DHX8: variants seen among roughly 807,000 people sequenced by gnomAD.
The protein encoded by DHX8 is ATP-dependent RNA helicase DHX8.
Under a neutral mutation model 140.7 loss-of-function variants are expected in DHX8, and 67 were observed. The ratio of observed to expected loss-of-function variants is 0.48; its 90% CI spans 0.39 to 0.58. The LOEUF is 0.58. Among genes scored for constraint, DHX8 ranks in the 20% least tolerant of loss-of-function variants. DHX8 has a pLI of 0.00. For missense variants in DHX8, 887 were observed against 1,550.7 expected, an observed-to-expected ratio of 0.57 and a Z score of 7.19; for synonymous variants, 533 against 553.2, an observed-to-expected ratio of 0.96 and a Z score of 0.51.
At chr17:43,523,519 G>A in intron 22 of DHX8, 109 bp from the exon 23 acceptor site, 4 of 1,516,934 alleles carry the variant, frequency 2.6e-6, no homozygotes, top group Non-Finnish European at 3.5e-6. Context: ...TCAGGCAGGA[G>A]AGGTAATAGT....
chr17:43,536,221 G>T (rs183543908), intron 2 of DHX8: 51 of 609,482 alleles, frequency 8.4e-5, no homozygotes, highest in Non-Finnish European at 1.4e-4. Flanking sequence ...GAGGGATAGT[G>T]TCTGCTCTAA....
In DHX8 at chr17:43,493,131, T is replaced by G. The variant is rs1968636794; in HGVS notation, c.863+91T>G. ...TCACATTCTAAAAAGTTACTTTGAT[T>G]AATGACACTTTAGTCAAATCAGCCA... On this transcript the variant is annotated intron_variant, in intron 6 of 22. Transcript: ENST00000262415. 2.3e-5 allele frequency: 35 copies of G among 1,503,442 alleles called. 1 individual carries two copies. In the South Asian group the frequency reaches 4.4e-4, roughly 19 times the overall value. 93.1% of individuals were successfully genotyped at this position (1,503,442 alleles called of 1,614,324 possible).
Position 43,520,194 on chromosome 17 carries a change from T to A in DHX8, c.2864T>A (p.Ile955Asn). The A allele has an allele frequency of 6.2e-7, 1 of 1,614,130 alleles. No homozygotes were observed. The highest frequency in any genetic ancestry group is 8.5e-7 in the Non-Finnish European group (1 of 1,180,020). Reference protein sequence around the residue: ...FMDAPPMETLITAMEQLYTLG... With the variant: ...FMDAPPMETLNTAMEQLYTLG... ...GATGCCCCACCTATGGAAACTTTGA[T>A]CACAGCCATGGAGCAGCTGTACACA... The change falls in exon 19 of 23, where the codon ATC (isoleucine) becomes AAC (asparagine). Residue 955 changes from isoleucine to asparagine, a missense_variant. Transcript: ENST00000262415.
intron 1 of DHX8, among the ~76,000 whole-genome samples, chr17:43,484,886 T>C (rs566584264): frequency 6.6e-6 from 1 of 152,196 alleles, no homozygotes; most frequent in Non-Finnish European, 1.5e-5. Flanking sequence ...CAAGCAGTCC[T>C]CTTCCCTCGG....
intron 20 of DHX8, 25 bp from the exon 21 acceptor site, chr17:43,521,344 G>A (rs1356130203): frequency 6.3e-7 from 1 of 1,589,508 alleles, no homozygotes; most frequent in Admixed American, 1.8e-5. Flanking sequence ...AGTCGGAAAT[G>A]TTCCTCTGTC....
chr17:43,496,090 C>A, intron 8 of DHX8, 91 bp from the exon 9 acceptor site: 6 of 931,448 alleles, frequency 6.4e-6, no homozygotes, highest in Non-Finnish European at 1.0e-5. Flanking sequence ...AGAGCAAGAT[C>A]CTGTCTCAAA....
Position 43,524,351 on chromosome 17 carries a change from G to A in DHX8, c.*504G>A, listed in dbSNP as rs111856955. On this transcript the variant is annotated 3_prime_UTR_variant, in exon 23 of 23. Transcript: ENST00000262415. ...TTTCTGTGACTGTTTTCTTTTAGCC[G>A]AAAGGTTAGGATATTGGCCTGGGCT... is the stretch of plus-strand genomic sequence containing the variant. 1.5e-4 allele frequency: 155 copies of A among 1,005,290 alleles called. 2 individuals carry two copies. Among genetic ancestry groups the A allele is most frequent in the African/African-American group, 1.4e-3 (81 of 57,618 alleles). 62.3% of individuals were successfully genotyped at this position (1,005,290 alleles called of 1,614,324 possible). A position where few individuals can be genotyped will look rare whatever the true frequency, so the allele number is the denominator to read the frequency against.
chr17:43,493,991 T>C, intron 8 of DHX8, 105 bp downstream of exon 8: 1 of 1,133,132 alleles, frequency 8.8e-7, no homozygotes, highest in Non-Finnish European at 1.3e-6. Context: ...TTGGCCACTG[T>C]ATTAGTCTGT....
At chr17:43,498,322 T>G (rs1443678327) in intron 9 of DHX8, among the ~76,000 whole-genome samples, 2 of 151,918 alleles carry the variant, frequency 1.3e-5, no homozygotes, top group African/African-American at 4.8e-5. Flanking sequence ...TTTTTTTGTA[T>G]TTTTAGTAAA....
At chr17:43,495,433 C>T (rs558031427) in intron 8 of DHX8, among the ~76,000 whole-genome samples, 14 of 152,244 alleles carry the variant, frequency 9.2e-5, no homozygotes, top group African/African-American at 3.4e-4. Context: ...CACATGCCAC[C>T]ATGCCTGGCT....
At chr17:43,486,182 A>G (rs989737250) in intron 1 of DHX8, among the ~76,000 whole-genome samples, 5 of 151,068 alleles carry the variant, frequency 3.3e-5, no homozygotes, top group African/African-American at 1.2e-4. Context: ...AAAGAGCAAG[A>G]CTTTATTTCA....
chr17:43,505,547 C>T (rs1370079611), intron 12 of DHX8, among the ~76,000 whole-genome samples: 1 of 151,996 alleles, frequency 6.6e-6, no homozygotes, highest in Non-Finnish European at 1.5e-5. Flanking sequence ...CCAGCCTGGG[C>T]GACCAAGTGA....
intron 11 of DHX8, among the ~76,000 whole-genome samples, chr17:43,500,979 G>A (rs1266496583): frequency 2.0e-5 from 3 of 151,922 alleles, no homozygotes; most frequent in East Asian, 1.9e-4. Context: ...TCTTTGTGCA[G>A]TAAATATTAG....
Position 43,489,508 on chromosome 17 carries a change from C to G in DHX8, c.208C>G (p.Leu70Val), listed in dbSNP as rs746334437. ...CACCTTTGATACTTTTAAGGCTTCT[C>G]TCGTCAAAAATGGTGCAGAATTTAC... ...NTTFDTFKAS[L>V]VKNGAEFTDS... is the part of the protein sequence containing the mutation. Residue 70 changes from leucine to valine, a missense_variant, in exon 2 of 23, where the codon CTC becomes GTC. By Grantham distance (32) the Leu-to-Val change is conservative. Transcript: ENST00000262415. 10 of 1,609,166 alleles carry G rather than the reference C, an allele frequency of 6.2e-6. No individual in the cohort carries two copies. Among genetic ancestry groups the G allele is most frequent in the Non-Finnish European group, 6.8e-6 (8 of 1,178,436 alleles).
intron 2 of DHX8, chr17:43,533,988 G>A: frequency 6.6e-7 from 1 of 1,526,264 alleles, no homozygotes; most frequent in Non-Finnish European, 8.7e-7. Flanking sequence ...GAAAGCTACT[G>A]TGGGGGTGGA....
rs1970161878 is a variant in DHX8 at position 43,517,304 on chromosome 17, C to T, written c.2781C>T (p.Ser927=). ...VPEIQRTNLA[S]TVLSLKAMGI... is the part of the protein sequence containing the mutation. ...AAATCCAGAGAACCAACTTAGCAAG[C>T]ACAGTGCTGTCACTCAAGGTAGAAA... is the stretch of plus-strand genomic sequence containing the variant. The change falls in exon 18 of 23, where the codon AGC becomes AGT. Residue 927 remains serine (S), a synonymous_variant. Coordinates refer to ENST00000262415, the MANE Select transcript of DHX8 (RefSeq NM_004941.3). The T allele has an allele frequency of 2.5e-6, 4 of 1,613,870 alleles. No individual in the cohort carries two copies. The highest frequency in any genetic ancestry group is 2.5e-6 in the Non-Finnish European group (3 of 1,179,918).
chr17:43,493,716 C>T lies in DHX8; in HGVS notation c.1042C>T (p.Pro348Ser). The change falls in exon 8 of 23, where the codon CCA becomes TCA. Residue 348 changes from proline to serine, a missense_variant. By Grantham distance (74) the Pro-to-Ser change is moderately conservative. Transcript: ENST00000262415. ...TCAAGAGACTGGAGAAGATCTAAAC[C>T]CAAATAGACGGCGAAATCTTGTCGG... is the stretch of plus-strand genomic sequence containing the variant. The part of the protein sequence containing the change: ...VDQETGEDLN[P>S]NRRRNLVGET... The T allele has an allele frequency of 6.2e-7, 1 of 1,614,158 alleles. No individual in the cohort carries two copies. The highest frequency in any genetic ancestry group is 8.5e-7 in the Non-Finnish European group (1 of 1,180,030).
At position 43,521,466 on chromosome 17, in the gene DHX8, A is replaced by G; in HGVS notation, c.3164A>G (p.Asn1055Ser). Reference sequence around the variant, plus strand: ...GCTGTGTACAACTCCTGGAAGAACAACAAGTTCTCCAACCCATGGTGCTAT... The same window carrying G: ...GCTGTGTACAACTCCTGGAAGAACAGCAAGTTCTCCAACCCATGGTGCTAT... The part of the protein sequence containing the change: ...LLAVYNSWKN[N>S]KFSNPWCYEN... Residue 1055 changes from asparagine to serine, a missense_variant, in exon 21 of 23, where the codon AAC becomes AGC. Asn to Ser is a conservative substitution (Grantham distance 46). Around this residue, in one of 9 missense-constraint regions of DHX8, gnomAD observed 101 missense variants for 168.2 expected, o/e 0.60. Transcript: ENST00000262415. 1 of 1,613,968 alleles carries G rather than the reference A, an allele frequency of 6.2e-7. No individual in the cohort carries two copies. The highest frequency in any genetic ancestry group is 1.1e-5 in the South Asian group (1 of 91,074).
rs574272650 is a variant in DHX8 at position 43,504,906 on chromosome 17, C to T, written c.1728+81C>T. 147 of 1,317,254 alleles carry T rather than the reference C, an allele frequency of 1.1e-4. 1 individual carries two copies. Among genetic ancestry groups the T allele is most frequent in the Middle Eastern group, 7.5e-4 (4 of 5,306 alleles). 81.6% of individuals were successfully genotyped at this position (1,317,254 alleles called of 1,614,324 possible). A position where few individuals can be genotyped will look rare whatever the true frequency, so the allele number is the denominator to read the frequency against. On this transcript the variant is annotated intron_variant, in intron 12 of 22. Transcript: ENST00000262415. ...GGTGATATTTTTAAACTGAAACTAA[C>T]GGGACAAGTATGTGCCTACTTGAAG...
Sources: gnomAD v4.1 joint callset for allele counts (sites outside exome capture counted in the v4.1 genomes callset) on GRCh38, gnomAD v4.1.1 for gene constraint, gnomAD v4.1.1 regional missense constraint, MANE v1.5 for transcripts, NCBI Gene and HGNC (gene_info 2026-07-23, HGNC 2026-07-21) for gene names.